Variants in LRRTM4 observed in about 807,000 individuals in gnomAD.
LRRTM4 encodes leucine-rich repeat transmembrane neuronal protein 4.
A neutral mutation model predicts 47.6 loss-of-function variants in LRRTM4; 25 were observed. That is an observed-to-expected ratio of 0.53 (90% CI 0.38 to 0.73). The LOEUF (loss-of-function observed/expected upper bound fraction) is 0.73, where lower values mean the gene tolerates loss of function less well. Ranked by LOEUF, LRRTM4 falls within the 30% of genes least tolerant of loss-of-function variation. The pLI is 0.00. For synonymous variants in LRRTM4, 311 were observed against 269.5 expected (o/e 1.15, Z -1.51); for missense variants, 638 against 713.4 (o/e 0.89, Z 1.20).
intron 3 of LRRTM4, among the ~76,000 whole-genome samples, chr2:76,791,692 T>C (rs148499387): frequency 7.2e-5 from 11 of 152,308 alleles, no homozygotes; most frequent in African/African-American, 2.6e-4. Flanking sequence ...TAACCTCATA[T>C]GGAGAAATGC....
At chr2:77,138,766 C>T (rs539781049) in intron 3 of LRRTM4, among the ~76,000 whole-genome samples, 38 of 151,784 alleles carry the variant, frequency 2.5e-4, no homozygotes, top group African/African-American at 5.3e-4. Context: ...ATCAAATAGA[C>T]GCAATAAAAA....
At chr2:77,001,568 G>A (rs72823183) in intron 3 of LRRTM4, among the ~76,000 whole-genome samples, 4 of 152,018 alleles carry the variant, frequency 2.6e-5, no homozygotes, top group Admixed American at 2.0e-4. Flanking sequence ...AATAAACAGC[G>A]CAAAATCAAG....
At chr2:76,990,738 CAT>C (rs1226298871) in intron 3 of LRRTM4, among the ~76,000 whole-genome samples, 8 of 151,498 alleles carry the variant, frequency 5.3e-5, no homozygotes, top group African/African-American at 1.5e-4. Flanking sequence ...ATAGGCAGAT[CAT>C]TGAGGCAGAA....
At chr2:77,433,943 G>C (rs980465716) in intron 3 of LRRTM4, among the ~76,000 whole-genome samples, 1 of 152,144 alleles carries the variant, frequency 6.6e-6, no homozygotes, top group Non-Finnish European at 1.5e-5. Flanking sequence ...TTCATGCAAA[G>C]AGGCACAACA....
chr2:76,829,090 T>G (rs1172775645), intron 3 of LRRTM4, among the ~76,000 whole-genome samples: 1 of 151,954 alleles, frequency 6.6e-6, no homozygotes, highest in Non-Finnish European at 1.5e-5. Context: ...GTCCTTCAAG[T>G]CCACAGTCTT....
Position 77,256,875 on chromosome 2 carries a change from CAG to C in LRRTM4, c.1551+261441_1551+261442del, listed in dbSNP as rs1249896483. 5.3e-5 allele frequency among the ~76,000 whole-genome samples: 8 copies of C among 151,946 alleles called. No individual in the cohort carries two copies. In the South Asian group the frequency reaches 1.7e-3, roughly 31 times the overall value. ...GAAGGGAGGGAGGGAGGGAACCAAA[CAG>C]TGTTCCTCAGGAAAAACAGACACAA... On this transcript the variant is annotated intron_variant, in intron 3 of 3. Transcript: ENST00000409884.
At chr2:77,371,466 C>A (rs768077879) in intron 3 of LRRTM4, among the ~76,000 whole-genome samples, 2 of 151,730 alleles carry the variant, frequency 1.3e-5, no homozygotes, top group Non-Finnish European at 3.0e-5. Flanking sequence ...TTCTACCCCA[C>A]TTCTTTAAGC....
chr2:77,469,854 A>G (rs1677118554), intron 3 of LRRTM4, among the ~76,000 whole-genome samples: 1 of 152,148 alleles, frequency 6.6e-6, no homozygotes, highest in South Asian at 2.1e-4. Flanking sequence ...TGACATTTTT[A>G]TACAGATCCT....
intron 3 of LRRTM4, among the ~76,000 whole-genome samples, chr2:77,437,195 G>C (rs1675634596): frequency 6.6e-6 from 1 of 151,956 alleles, no homozygotes; most frequent in African/African-American, 2.4e-5. Flanking sequence ...GATTAAGCAA[G>C]ATGTTTAGTA....
chr2:77,286,999 T>A (rs1489877006), intron 3 of LRRTM4, among the ~76,000 whole-genome samples: 2 of 152,126 alleles, frequency 1.3e-5, no homozygotes, highest in Non-Finnish European at 2.9e-5. Context: ...TCTTGCTCAA[T>A]ACTAACTTAG....
intron 3 of LRRTM4, among the ~76,000 whole-genome samples, chr2:76,790,857 G>A (rs1488249984): frequency 6.6e-6 from 1 of 152,122 alleles, no homozygotes. Context: ...TAGAAAACAT[G>A]ATGTAGGCAA....
intron 3 of LRRTM4, among the ~76,000 whole-genome samples, chr2:77,068,974 A>G (rs1573526022): frequency 6.6e-6 from 1 of 152,210 alleles, no homozygotes; most frequent in Middle Eastern, 3.4e-3. Flanking sequence ...TTCCTGCTGC[A>G]GATATCTAGC....
intron 3 of LRRTM4, among the ~76,000 whole-genome samples, chr2:76,911,075 T>C (rs1674037038): frequency 6.6e-6 from 1 of 152,236 alleles, no homozygotes; most frequent in Non-Finnish European, 1.5e-5. Context: ...ACATTTTTAC[T>C]TAGGTAATAA....
At chr2:77,362,268 TAAC>T (rs1215390691) in intron 3 of LRRTM4, among the ~76,000 whole-genome samples, 1 of 152,132 alleles carries the variant, frequency 6.6e-6, no homozygotes, top group African/African-American at 2.4e-5. Context: ...TCCATAGTCT[TAAC>T]AAACACATTT....
At chr2:77,426,951 T>G (rs1675134079) in intron 3 of LRRTM4, among the ~76,000 whole-genome samples, 1 of 151,464 alleles carries the variant, frequency 6.6e-6, no homozygotes, top group African/African-American at 2.4e-5. Context: ...TCCCCTTTAT[T>G]CTTTAAGCTA....
intron 3 of LRRTM4, among the ~76,000 whole-genome samples, chr2:77,219,939 A>G (rs1437312925): frequency 6.6e-6 from 1 of 152,132 alleles, no homozygotes; most frequent in Non-Finnish European, 1.5e-5. Context: ...CGAGTAGCCT[A>G]ACTGGGAGGC....
rs541019553 is a variant in LRRTM4, at chr2:77,163,239, T to C, written c.1551+355079A>G. On this transcript the variant is annotated intron_variant, in intron 3 of 3. Transcript: ENST00000409884. ...AAGAAAAGGAATCAGTGACTGAAGA[T>C]GGAATGAATGAAATGAGGTGAGAAG... 6.6e-5 allele frequency among the ~76,000 whole-genome samples: 10 copies of C among 151,972 alleles called. 1 individual carries two copies. The East Asian group carries it at 1.9e-3, about 30-fold the overall frequency.
At chr2:76,817,831 C>G (rs1354907059) in intron 3 of LRRTM4, among the ~76,000 whole-genome samples, 2 of 151,672 alleles carry the variant, frequency 1.3e-5, no homozygotes, top group East Asian at 3.9e-4. Flanking sequence ...AGAGTAATGT[C>G]TTCTTGCTTA....
intron 3 of LRRTM4, among the ~76,000 whole-genome samples, chr2:77,137,787 A>G (rs1212003755): frequency 1.3e-5 from 2 of 152,152 alleles, no homozygotes; most frequent in East Asian, 3.9e-4. Flanking sequence ...AAGATCTACC[A>G]AGCAAATTTA....
Sources: gnomAD v4.1 joint callset for allele counts (sites outside exome capture counted in the v4.1 genomes callset) on GRCh38, gnomAD v4.1.1 for gene constraint, MANE v1.5 for transcripts, NCBI Gene and HGNC (gene_info 2026-07-23, HGNC 2026-07-21) for gene names.